Variants in ITGBL1 observed in about 807,000 individuals in gnomAD.
The protein encoded by ITGBL1 is integrin beta-like protein 1.
Under a neutral mutation model 68.5 loss-of-function variants are expected in ITGBL1, and 51 were observed. The observed-to-expected ratio is 0.74, with a 90% confidence interval of 0.59 to 0.94. The LOEUF (loss-of-function observed/expected upper bound fraction) is 0.94. Ranked by LOEUF, ITGBL1 falls within the 40% of genes least tolerant of loss-of-function variation. The pLI, the probability that ITGBL1 is intolerant of heterozygous loss-of-function variation, is 0.00. For synonymous variants in ITGBL1, 209 were observed against 227.3 expected (o/e 0.92, Z 0.72); for missense variants, 649 against 647.4 (o/e 1.00, Z -0.03).
intron 7 of ITGBL1, among the ~76,000 whole-genome samples, chr13:101,674,267 C>G (rs1208974864): frequency 1.3e-5 from 2 of 152,158 alleles, no homozygotes; most frequent in Non-Finnish European, 2.9e-5. Context: ...GTTTTTGATC[C>G]TTGCAACTAA....
chr13:101,597,367 G>A (rs1468694167), intron 6 of ITGBL1, among the ~76,000 whole-genome samples: 7 of 143,752 alleles, frequency 4.9e-5, no homozygotes, highest in Admixed American at 7.2e-5. Flanking sequence ...TTCACTAATT[G>A]CATTAATTAC....
At position 101,514,187 on chromosome 13, in the gene ITGBL1, G is replaced by T. The variant is rs144709920; in HGVS notation, c.317-53512G>T. ...ACGTCCCCATATTCTTGCATTGTATGAAGAAGTGTGTTGGCTGGTGTATGC... is the reference window on the plus strand; with the variant it reads ...ACGTCCCCATATTCTTGCATTGTATTAAGAAGTGTGTTGGCTGGTGTATGC... On this transcript the variant is annotated intron_variant, in intron 2 of 10. Transcript: ENST00000376180. 8.5e-3 allele frequency among the ~76,000 whole-genome samples: 1,286 copies of T among 152,158 alleles called. 2 individuals are homozygous for T. Among genetic ancestry groups the T allele is most frequent in the Non-Finnish European group, 0.015 (1,016 of 67,952 alleles).
intron 7 of ITGBL1, among the ~76,000 whole-genome samples, chr13:101,678,928 A>AT (rs1555366055): frequency 2.3e-5 from 3 of 130,166 alleles, no homozygotes; most frequent in Non-Finnish European, 1.7e-5. Context: ...TTTTTTTTTT[A>AT]TTTTTTTGAG....
chr13:101,597,967 C>T (rs1479279355), intron 6 of ITGBL1, among the ~76,000 whole-genome samples, 186 bp from the exon 7 acceptor site: 1 of 152,066 alleles, frequency 6.6e-6, no homozygotes, highest in African/African-American at 2.4e-5. Flanking sequence ...TTTCTCTACC[C>T]CTCAAGATCA....
intron 7 of ITGBL1, among the ~76,000 whole-genome samples, chr13:101,660,289 G>C (rs750478237): frequency 2.6e-5 from 4 of 152,120 alleles, no homozygotes; most frequent in Non-Finnish European, 2.9e-5. Flanking sequence ...GGGGAGTGCT[G>C]ATTGGTTGGG....
At chr13:101,539,539 T>C (rs1273264793) in intron 2 of ITGBL1, among the ~76,000 whole-genome samples, 1 of 152,080 alleles carries the variant, frequency 6.6e-6, no homozygotes, top group Non-Finnish European at 1.5e-5. Context: ...TATAGCAGGA[T>C]GATTTATAGT....
rs751098712 is a variant in ITGBL1, at chr13:101,453,991, C to T, written c.207C>T (p.Cys69=). 2.6e-6 allele frequency: 4 copies of T among 1,554,164 alleles called. No homozygotes were observed. The highest frequency in any genetic ancestry group is 2.4e-5 in the East Asian group (1 of 41,138). Residue 69 remains cysteine (C), a synonymous_variant, in exon 2 of 11, where the codon TGC becomes TGT. Coordinates refer to ENST00000376180, the MANE Select transcript of ITGBL1 (RefSeq NM_004791.3). The part of the protein sequence containing the change: ...GAALCHGRGR[C]DCGVCICHVT... ...CGCTGTGCCACGGCCGGGGCCGCTG[C>T]GACTGCGGCGTCTGCATCTGCCACG...
At chr13:101,571,631 A>G (rs1432200767) in intron 3 of ITGBL1, among the ~76,000 whole-genome samples, 2 of 152,102 alleles carry the variant, frequency 1.3e-5, no homozygotes, top group Non-Finnish European at 2.9e-5. Flanking sequence ...CACCTTATAG[A>G]TAACCAACTT....
chr13:101,675,071 A>G (rs968230526), intron 7 of ITGBL1, among the ~76,000 whole-genome samples: 1 of 152,166 alleles, frequency 6.6e-6, no homozygotes, highest in African/African-American at 2.4e-5. Flanking sequence ...CTATGCACAG[A>G]ATTCTAATTT....
intron 7 of ITGBL1, among the ~76,000 whole-genome samples, chr13:101,642,856 C>T (rs976102327): frequency 2.0e-5 from 3 of 151,890 alleles, no homozygotes; most frequent in Non-Finnish European, 4.4e-5. Context: ...TCAGGTTTGT[C>T]AAAGATCAGA....
intron 2 of ITGBL1, among the ~76,000 whole-genome samples, chr13:101,566,993 C>A (rs1464320678): frequency 6.6e-6 from 1 of 152,150 alleles, no homozygotes; most frequent in Non-Finnish European, 1.5e-5. Flanking sequence ...AAGTACTGCA[C>A]ATGTTTTGCA....
At chr13:101,659,918 T>A (rs939461793) in intron 7 of ITGBL1, among the ~76,000 whole-genome samples, 2 of 152,148 alleles carry the variant, frequency 1.3e-5, no homozygotes, top group Non-Finnish European at 2.9e-5. Context: ...CTCACAGAAT[T>A]AATTAAGGTA....
At chr13:101,566,414 T>C (rs2050184081) in intron 2 of ITGBL1, among the ~76,000 whole-genome samples, 1 of 152,150 alleles carries the variant, frequency 6.6e-6, no homozygotes, top group Non-Finnish European at 1.5e-5. Context: ...GAATGCAAAA[T>C]GATGCAGTCA....
intron 2 of ITGBL1, among the ~76,000 whole-genome samples, chr13:101,533,582 T>G (rs759705823): frequency 3.3e-5 from 5 of 152,254 alleles, no homozygotes; most frequent in Non-Finnish European, 5.9e-5. Context: ...AAATGTTAAA[T>G]GTATTGGTTA....
intron 7 of ITGBL1, among the ~76,000 whole-genome samples, chr13:101,624,212 C>A (rs971275488): frequency 5.9e-5 from 9 of 152,166 alleles, no homozygotes; most frequent in African/African-American, 1.9e-4. Flanking sequence ...TCTGTTAATA[C>A]TTTCATTTGG....
intron 9 of ITGBL1, chr13:101,712,060 T>A (rs2034494464): frequency 6.6e-6 from 1 of 152,204 alleles, no homozygotes; most frequent in Non-Finnish European, 1.5e-5. Flanking sequence ...TGACCCATGT[T>A]ATGGAAGAAA....
chr13:101,518,624 A>T (rs1594860664), intron 2 of ITGBL1, among the ~76,000 whole-genome samples: 1 of 152,308 alleles, frequency 6.6e-6, no homozygotes. Flanking sequence ...ATTACTGAGG[A>T]TATCATTTCA....
intron 7 of ITGBL1, among the ~76,000 whole-genome samples, chr13:101,658,063 A>G (rs2032981162): frequency 6.6e-6 from 1 of 152,244 alleles, no homozygotes; most frequent in African/African-American, 2.4e-5. Flanking sequence ...AGAATGGCCA[A>G]TTAATCAAAC....
chr13:101,636,585 C>T lies in ITGBL1; in HGVS notation c.1015+38286C>T, dbSNP rs897730333. 3.9e-5 allele frequency among the ~76,000 whole-genome samples: 6 copies of T among 152,040 alleles called. No individual in the cohort carries two copies. In the South Asian group the frequency reaches 1.2e-3, roughly 32 times the overall value. Reference sequence around the variant, plus strand: ...GAACTATTGAAAAATTAATTGGAACCTTCTTATTGACTTTCGTTGGAGACA... The same window carrying T: ...GAACTATTGAAAAATTAATTGGAACTTTCTTATTGACTTTCGTTGGAGACA... On this transcript the variant is annotated intron_variant, in intron 7 of 10. Transcript: ENST00000376180.
Sources: allele counts gnomAD v4.1 joint callset (sites outside exome capture counted in the v4.1 genomes callset), GRCh38; gene constraint gnomAD v4.1.1; transcripts MANE v1.5; gene names NCBI Gene and HGNC (gene_info 2026-07-23, HGNC 2026-07-21).